PLPPR1: variants seen among roughly 807,000 people sequenced by gnomAD.
PLPPR1 encodes the protein phospholipid phosphatase-related protein type 1.
Under a neutral mutation model 33.1 loss-of-function variants are expected in PLPPR1, and 10 were observed. The observed-to-expected ratio is 0.30, with a 90% CI of 0.19 to 0.51. The LOEUF (loss-of-function observed/expected upper bound fraction) is 0.51. PLPPR1 is among the 20% of genes least tolerant of loss of function. PLPPR1 has a pLI of 0.97. For synonymous variants in PLPPR1, 151 were observed against 151.0 expected (o/e 1.00, Z 0.00); for missense variants, 304 against 408.1 (o/e 0.74, Z 2.20).
At chr9:101,265,718 C>T (rs542047523) in intron 2 of PLPPR1, among the ~76,000 whole-genome samples, 3 of 151,916 alleles carry the variant, frequency 2.0e-5, no homozygotes, top group African/African-American at 7.3e-5. Flanking sequence ...CACAGGAGGC[C>T]GGGTACGGTG....
At chr9:101,030,074 A>C in intron 1 of PLPPR1, among the ~76,000 whole-genome samples, 1 of 151,978 alleles carries the variant, frequency 6.6e-6, no homozygotes, top group Middle Eastern at 3.2e-3. Flanking sequence ...ACGGTTCTGA[A>C]TATCTCTTCG....
At chr9:101,247,849 C>A (rs979824754) in intron 2 of PLPPR1, among the ~76,000 whole-genome samples, 3 of 152,004 alleles carry the variant, frequency 2.0e-5, no homozygotes, top group African/African-American at 7.2e-5. Context: ...TGTTCTGTTT[C>A]CTAAGGCTCC....
At chr9:101,208,435 T>G (rs748089349) in intron 2 of PLPPR1, among the ~76,000 whole-genome samples, 14 of 152,238 alleles carry the variant, frequency 9.2e-5, no homozygotes, top group Non-Finnish European at 2.1e-4. Context: ...TCCTAGGCTT[T>G]GCATTTTCGT....
At chr9:101,102,040 G>A in intron 1 of PLPPR1, among the ~76,000 whole-genome samples, 1 of 139,112 alleles carries the variant, frequency 7.2e-6, no homozygotes, top group Non-Finnish European at 1.5e-5. Context: ...TTATGTAATT[G>A]TCTGCTTTCC....
chr9:101,118,781 C>G (rs139039670), intron 1 of PLPPR1, among the ~76,000 whole-genome samples: 16 of 152,348 alleles, frequency 1.1e-4, no homozygotes, highest in African/African-American at 2.6e-4. Context: ...CAGCTTGGCT[C>G]TTGCCACATC....
chr9:101,110,008 A>G (rs902202331), intron 1 of PLPPR1, among the ~76,000 whole-genome samples: 1 of 152,136 alleles, frequency 6.6e-6, no homozygotes, highest in Non-Finnish European at 1.5e-5. Flanking sequence ...AGACATGTAA[A>G]CAGTTAGTCA....
chr9:101,241,249 T>C (rs974737677), intron 2 of PLPPR1, among the ~76,000 whole-genome samples: 17 of 152,024 alleles, frequency 1.1e-4, no homozygotes, highest in African/African-American at 4.1e-4. Flanking sequence ...GAGGTCTCTG[T>C]GAGCCTAAGG....
chr9:101,158,970 T>C (rs1831737510), intron 1 of PLPPR1, among the ~76,000 whole-genome samples: 1 of 152,182 alleles, frequency 6.6e-6, no homozygotes, highest in Admixed American at 6.6e-5. Flanking sequence ...ACCTTTCATG[T>C]AATAATTTTG....
At chr9:101,238,121 GTATA>G (rs1026861075) in intron 2 of PLPPR1, among the ~76,000 whole-genome samples, 1 of 134,510 alleles carries the variant, frequency 7.4e-6, no homozygotes, top group Non-Finnish European at 1.6e-5. Context: ...ATACGTGTGT[GTATA>G]TATATACATA....
intron 2 of PLPPR1, among the ~76,000 whole-genome samples, chr9:101,244,699 A>C (rs146622217): frequency 1.3e-5 from 2 of 151,976 alleles, no homozygotes; most frequent in Non-Finnish European, 2.9e-5. Context: ...AATAAAATGC[A>C]TCTTTGATGT....
chr9:101,067,689 T>C (rs890300668), intron 1 of PLPPR1, among the ~76,000 whole-genome samples: 1 of 152,030 alleles, frequency 6.6e-6, no homozygotes, highest in Non-Finnish European at 1.5e-5. Context: ...TTCCAAACCC[T>C]TTGGCACTAA....
At chr9:101,300,098 T>C (rs1828723917) in intron 4 of PLPPR1, among the ~76,000 whole-genome samples, 1 of 152,180 alleles carries the variant, frequency 6.6e-6, no homozygotes, top group Non-Finnish European at 1.5e-5. Flanking sequence ...AACTGATGAC[T>C]CAACAGTTAG....
intron 2 of PLPPR1, among the ~76,000 whole-genome samples, chr9:101,234,728 A>G (rs905594572): frequency 2.6e-5 from 4 of 151,988 alleles, no homozygotes; most frequent in Non-Finnish European, 4.4e-5. Flanking sequence ...TTGTCTGCCA[A>G]TTACTTAGAA....
intron 2 of PLPPR1, among the ~76,000 whole-genome samples, chr9:101,259,832 T>C (rs1240154817): frequency 1.3e-5 from 2 of 152,140 alleles, no homozygotes; most frequent in African/African-American, 4.8e-5. Context: ...TTGCATTCTT[T>C]TGAGTTTCTG....
intron 2 of PLPPR1, among the ~76,000 whole-genome samples, chr9:101,205,442 A>G (rs1161996515): frequency 1.3e-5 from 2 of 152,198 alleles, no homozygotes; most frequent in African/African-American, 4.8e-5. Context: ...GATGTTTCTA[A>G]GAAGACATAA....
chr9:101,278,839 G>A (rs961256935), intron 3 of PLPPR1, among the ~76,000 whole-genome samples: 1 of 152,218 alleles, frequency 6.6e-6, no homozygotes, highest in Admixed American at 6.5e-5. Context: ...GCAGCAGGCA[G>A]GCCTCAGCAG....
At chr9:101,247,753 C>T (rs1827638804) in intron 2 of PLPPR1, among the ~76,000 whole-genome samples, 2 of 152,120 alleles carry the variant, frequency 1.3e-5, no homozygotes, top group South Asian at 4.1e-4. Context: ...GCTGATTTTT[C>T]ACTGGCCCCC....
chr9:101,129,067 C>T (rs988755730), intron 1 of PLPPR1, among the ~76,000 whole-genome samples: 6 of 152,064 alleles, frequency 3.9e-5, no homozygotes, highest in African/African-American at 1.4e-4. Context: ...GTTCTCATTA[C>T]TTTATTGTCT....
chr9:101,282,011 C>A (rs1010260819), intron 3 of PLPPR1, among the ~76,000 whole-genome samples: 3 of 152,112 alleles, frequency 2.0e-5, no homozygotes, highest in African/African-American at 4.8e-5. Context: ...AAACTGATAT[C>A]GCACCTTTTC....
Sources: gnomAD v4.1 joint callset for allele counts (sites outside exome capture counted in the v4.1 genomes callset) on GRCh38, gnomAD v4.1.1 for gene constraint, MANE v1.5 for transcripts, NCBI Gene and HGNC (gene_info 2026-07-23, HGNC 2026-07-21) for gene names.